Variants in SHC4 observed in about 807,000 individuals in gnomAD.
SHC4 encodes the protein SHC-transforming protein 4.
Under a neutral mutation model 69.4 loss-of-function variants are expected in SHC4, and 41 were observed. The ratio of observed to expected loss-of-function variants is 0.59; its 90% CI spans 0.46 to 0.77. The LOEUF (loss-of-function observed/expected upper bound fraction) is 0.77, where lower values mean the gene tolerates loss of function less well. Among genes scored for constraint, SHC4 ranks in the 30% least tolerant of loss-of-function variants. The pLI is 0.00. For synonymous variants in SHC4, 318 were observed against 299.3 expected (o/e 1.06, Z -0.64); for missense variants, 777 against 783.8 (o/e 0.99, Z 0.10).
chr15:48,946,538 A>G, intron 1 of SHC4: 1 of 966,152 alleles, frequency 1.0e-6, no homozygotes, highest in Non-Finnish European at 1.2e-6. Context: ...GTGACAGCCT[A>G]GTTGTAAAAT....
At chr15:48,842,360 A>T (rs527861751) in intron 10 of SHC4, among the ~76,000 whole-genome samples, 1 of 152,348 alleles carries the variant, frequency 6.6e-6, no homozygotes, top group South Asian at 2.1e-4. Context: ...CAAATAAACA[A>T]ATTCAAAATT....
chr15:48,936,046 C>T (rs1901062718), intron 1 of SHC4, among the ~76,000 whole-genome samples: 1 of 152,144 alleles, frequency 6.6e-6, no homozygotes, highest in African/African-American at 2.4e-5. Flanking sequence ...TGTTGGCTAT[C>T]TGTCTCCCCT....
intron 1 of SHC4, among the ~76,000 whole-genome samples, chr15:48,939,355 T>C (rs950112358): frequency 2.0e-5 from 3 of 152,094 alleles, no homozygotes; most frequent in African/African-American, 4.8e-5. Flanking sequence ...TGAGAGGTGA[T>C]GGTGGAGGAA....
intron 9 of SHC4, among the ~76,000 whole-genome samples, chr15:48,848,011 A>AC (rs1899126198): frequency 6.6e-6 from 1 of 151,368 alleles, no homozygotes; most frequent in Admixed American, 6.6e-5. Flanking sequence ...TAAAAAAAAA[A>AC]AAAAAACAAA....
intron 1 of SHC4, among the ~76,000 whole-genome samples, chr15:48,931,750 C>T (rs1321501185): frequency 1.3e-5 from 2 of 152,108 alleles, no homozygotes; most frequent in Non-Finnish European, 2.9e-5. Context: ...AGATTAGCCC[C>T]TTTGTTATCT....
intron 7 of SHC4, among the ~76,000 whole-genome samples, 182 bp downstream of exon 7, chr15:48,857,510 A>G (rs1436085953): frequency 6.6e-6 from 1 of 152,130 alleles, no homozygotes; most frequent in Non-Finnish European, 1.5e-5. Context: ...GATAAATATG[A>G]ATGGAAGGAA....
chr15:48,881,724 A>G (rs1193228789), intron 4 of SHC4, among the ~76,000 whole-genome samples: 1 of 152,216 alleles, frequency 6.6e-6, no homozygotes, highest in African/African-American at 2.4e-5. Context: ...GCCCTAAAAT[A>G]CTATATTAAA....
intron 1 of SHC4, among the ~76,000 whole-genome samples, chr15:48,953,970 G>A (rs1387901311): frequency 6.6e-6 from 1 of 152,234 alleles, no homozygotes; most frequent in Non-Finnish European, 1.5e-5. Flanking sequence ...AGAAGAAAAT[G>A]AGAAGATGTA....
chr15:48,943,298 T>A (rs1465665749), intron 1 of SHC4, among the ~76,000 whole-genome samples: 1 of 152,194 alleles, frequency 6.6e-6, no homozygotes, highest in Non-Finnish European at 1.5e-5. Flanking sequence ...TTCTACTCTC[T>A]GCCTCTATAT....
intron 10 of SHC4, among the ~76,000 whole-genome samples, chr15:48,841,222 G>A (rs369840255): frequency 2.6e-4 from 40 of 152,272 alleles, no homozygotes; most frequent in Non-Finnish European, 4.6e-4. Flanking sequence ...TGAAAAGTCC[G>A]TGAAATGAAA....
chr15:48,857,739 C>G lies in SHC4; in HGVS notation c.1023G>C (p.Arg341=), dbSNP rs148251071. The G allele has an allele frequency of 4.5e-4, 716 of 1,606,610 alleles. 13 individuals carry two copies. In the East Asian group the frequency reaches 0.011, roughly 26 times the overall value. The change falls in exon 7 of 12, where the codon CGG becomes CGC. Residue 341 remains arginine (R), a synonymous_variant. Coordinates refer to ENST00000332408, the MANE Select transcript of SHC4 (RefSeq NM_203349.4). ...AAGGATTTTTCAAGTACTGTTTAAACCGGAGTTCAAAAGCCTGCCCTATGG... is the reference window on the plus strand; with the variant it reads ...AAGGATTTTTCAAGTACTGTTTAAAGCGGAGTTCAAAAGCCTGCCCTATGG... The part of the protein sequence containing the change: ...ISTIGQAFEL[R]FKQYLKNPSL...
intron 10 of SHC4, among the ~76,000 whole-genome samples, chr15:48,841,096 A>T (rs1225629521): frequency 6.6e-6 from 1 of 152,218 alleles, no homozygotes; most frequent in Non-Finnish European, 1.5e-5. Flanking sequence ...GATTATGAAT[A>T]ATTTTAACTT....
chr15:48,894,762 G>A (rs1019185345), intron 2 of SHC4, among the ~76,000 whole-genome samples: 2 of 152,044 alleles, frequency 1.3e-5, no homozygotes, highest in African/African-American at 4.8e-5. Context: ...TGAAAGAACA[G>A]CCTCTATTTA....
At chr15:48,916,806 C>T (rs1472040311) in intron 2 of SHC4, among the ~76,000 whole-genome samples, 1 of 152,202 alleles carries the variant, frequency 6.6e-6, no homozygotes, top group Non-Finnish European at 1.5e-5. Flanking sequence ...GTAAGCCTGG[C>T]TTGGGCAGAT....
In SHC4 at chr15:48,954,652, A is replaced by AC. The variant is rs546842040; in HGVS notation, c.585+7778dup. Among the ~76,000 whole-genome samples, 23 of 152,368 alleles carry AC rather than the reference A, an allele frequency of 1.5e-4. No homozygotes were observed. In the South Asian group the frequency reaches 4.8e-3, roughly 32 times the overall value. ...AGGCAGGCCCTCCCTGGTGAGCAGC[A>AC]CAAGGCAAGACTTAGGGAAGAAAGT... On this transcript the variant is annotated intron_variant, in intron 1 of 11. Coordinates refer to ENST00000332408, the MANE Select transcript of SHC4 (RefSeq NM_203349.4).
chr15:48,881,572 T>C (rs1297664561), intron 4 of SHC4, among the ~76,000 whole-genome samples: 1 of 152,178 alleles, frequency 6.6e-6, no homozygotes, highest in Non-Finnish European at 1.5e-5. Flanking sequence ...TGCCTCTCCT[T>C]GTAGAGACTA....
rs140655781 is a variant in SHC4, at chr15:48,962,494, C to T, written c.522G>A (p.Arg174=). 2.9e-5 allele frequency: 45 copies of T among 1,560,412 alleles called. No individual in the cohort carries two copies. The highest frequency in any genetic ancestry group is 2.9e-4 in the African/African-American group (21 of 73,328). The change falls in exon 1 of 12, where the codon AGG becomes AGA. Residue 174 remains arginine (R), a synonymous_variant. Transcript: ENST00000332408. ...PLPGPGEPTL[R]SRQDRHFLQH... ...GTAGAAAGTGCCTGTCCTGCCTGCT[C>T]CTAAGTGTTGGCTCCCCAGGGCCAG...
At chr15:48,830,180 T>G (rs2140963954) in intron 11 of SHC4, among the ~76,000 whole-genome samples, 1 of 152,310 alleles carries the variant, frequency 6.6e-6, no homozygotes, top group South Asian at 2.1e-4. Flanking sequence ...CTTTAATTCC[T>G]TTATCATTTT....
chr15:48,962,725 G>A lies in SHC4; in HGVS notation c.291C>T (p.Asn97=). 1.2e-6 allele frequency: 2 copies of A among 1,613,880 alleles called. No individual in the cohort carries two copies. The highest frequency in any genetic ancestry group is 1.7e-6 in the Non-Finnish European group (2 of 1,180,022). Residue 97 remains asparagine (N), a synonymous_variant, in exon 1 of 12, where the codon AAC becomes AAT. Coordinates refer to ENST00000332408, the MANE Select transcript of SHC4 (RefSeq NM_203349.4). ...IPRMASMKLA[N]PATLLSLKNF... is the part of the protein sequence containing the mutation. ...TTTTCAGACTCAGCAAAGTGGCCGG[G>A]TTGGCCAGCTTCATGCTTGCCATGC...
Sources: gnomAD v4.1 joint callset for allele counts (sites outside exome capture counted in the v4.1 genomes callset) on GRCh38, gnomAD v4.1.1 for gene constraint, MANE v1.5 for transcripts, NCBI Gene and HGNC (gene_info 2026-07-23, HGNC 2026-07-21) for gene names.